NBPF14: variants seen among roughly 807,000 people sequenced by gnomAD.
NBPF14 encodes the protein NBPF member 14.
In NBPF14, 104 loss-of-function variants were observed where a neutral mutation model predicts 91.2. The observed-to-expected ratio is 1.14, with a 90% CI of 0.97 to 1.34. The LOEUF (loss-of-function observed/expected upper bound fraction) is 1.34, where lower values mean the gene tolerates loss of function less well. Ranked by LOEUF, NBPF14 falls within the 40% of genes most tolerant of loss-of-function variation. NBPF14 has a pLI of 0.00. For synonymous variants in NBPF14, 294 were observed against 303.8 expected, an observed-to-expected ratio of 0.97 and a Z score of 0.34; for missense variants, 908 against 783.0, an observed-to-expected ratio of 1.16 and a Z score of -1.91.
chr1:148,561,724 T>C (rs1247399171), intron 34 of NBPF14, 145 bp from the exon 35 acceptor site: 3 of 455,786 alleles, frequency 6.6e-6, no homozygotes, highest in Admixed American at 3.7e-5. Flanking sequence ...ATTGCCTTCA[T>C]GTTGGGACAG....
intron 6 of NBPF14, among the ~76,000 whole-genome samples, chr1:148,590,036 CTTACTTTTTTTTTTTTTTTT>C (rs1466716124): frequency 2.6e-4 from 29 of 110,006 alleles, no homozygotes; most frequent in Non-Finnish European, 4.6e-4. Flanking sequence ...TGGTCAGAGA[CTTACTTTTTTTTTTTTTTTT>C]TTTTTTTTTT....
intron 6 of NBPF14, among the ~76,000 whole-genome samples, chr1:148,590,040 CTTTTTTTTT>C (rs1196401979): frequency 1.2e-4 from 9 of 76,334 alleles, no homozygotes; most frequent in Admixed American, 3.8e-4. Context: ...CAGAGACTTA[CTTTTTTTTT>C]TTTTTTTTTT....
rs1654711287 is a variant in NBPF14 at position 148,534,682 on chromosome 1, A to G, written c.8614+2T>C. On this transcript the variant is annotated splice_donor_variant, in intron 69 of 70. Coordinates refer to ENST00000619423, the Ensembl canonical transcript of NBPF14. LOFTEE classifies it high-confidence loss of function. ...TTATCACCTTCATAGTAAGGTACTCACTGTCCACGTCAAGAGCCAAGCCAA... is the reference window on the plus strand; with the variant it reads ...TTATCACCTTCATAGTAAGGTACTCGCTGTCCACGTCAAGAGCCAAGCCAA... The G allele has an allele frequency of 2.5e-6, 2 of 801,204 alleles. No individual in the cohort carries two copies. The highest frequency in any genetic ancestry group is 4.5e-6 in the Non-Finnish European group (2 of 447,196). 49.6% of individuals were successfully genotyped at this position (801,204 alleles called of 1,614,324 possible).
At chr1:148,561,518 A>T in exon 35 of NBPF14, 1 of 354,396 alleles carries the variant, frequency 2.8e-6, no homozygotes, top group Non-Finnish European at 4.6e-6. Flanking sequence ...GTTGAATAAC[A>T]TCTATCCAGT....
intron 9 of NBPF14, among the ~76,000 whole-genome samples, chr1:148,585,442 C>T (rs1292031789): frequency 1.3e-5 from 2 of 151,758 alleles, no homozygotes. Context: ...ATTGAAAAGA[C>T]CTTTTGCTTC....
At chr1:148,561,802 A>ACAC (rs1657808782) in intron 34 of NBPF14, among the ~76,000 whole-genome samples, 5 of 95,608 alleles carry the variant, frequency 5.2e-5, no homozygotes, top group African/African-American at 2.5e-4. Context: ...CACACACACA[A>ACAC]ACACACACAC....
At chr1:148,574,430 C>CAA (rs1659452500) in intron 18 of NBPF14, among the ~76,000 whole-genome samples, 2 of 47,928 alleles carry the variant, frequency 4.2e-5, no homozygotes, top group Middle Eastern at 7.7e-3. Flanking sequence ...TAGACACACA[C>CAA]ACACACACAC....
At chr1:148,587,856 T>A (rs1256924962) in intron 7 of NBPF14, among the ~76,000 whole-genome samples, 1 of 141,096 alleles carries the variant, frequency 7.1e-6, no homozygotes, top group African/African-American at 2.5e-5. Flanking sequence ...GAAAGATTTT[T>A]AAAATCTTTG....
chr1:148,577,543 GACACACACAC>G (rs1184575767), intron 14 of NBPF14, among the ~76,000 whole-genome samples, 188 bp from the exon 15 acceptor site: 16 of 141,244 alleles, frequency 1.1e-4, no homozygotes, highest in East Asian at 1.0e-3. Context: ...GAACGAGAAA[GACACACACAC>G]ACACACACAC....
At position 148,534,857 on chromosome 1, in the gene NBPF14, CT is replaced by C. The variant is rs1380304873; in HGVS notation, c.8442-2del. 2 of 955,492 alleles carry C rather than the reference CT, an allele frequency of 2.1e-6. No individual in the cohort carries two copies. Among genetic ancestry groups the C allele is most frequent in the African/African-American group, 3.8e-5 (2 of 52,610 alleles). 59.2% of individuals were successfully genotyped at this position (955,492 alleles called of 1,614,324 possible). On this transcript the variant is annotated splice_acceptor_variant, in intron 68 of 70. Transcript: ENST00000619423. LOFTEE classifies it high-confidence loss of function. ...CTCATCCAGCAGCTCCCTGCTGAGC[CT>C]GGAAAAGTAGGAAAAAGTAAAGAAT...
chr1:148,580,687 G>A (rs1174491768), intron 12 of NBPF14, among the ~76,000 whole-genome samples: 59 of 43,304 alleles, frequency 1.4e-3, no homozygotes, highest in African/African-American at 5.7e-3. Flanking sequence ...AATGCTAAGG[G>A]CAGCCAGAGA....
At chr1:148,572,487 T>C in exon 21 of NBPF14, 1 of 567,242 alleles carries the variant, frequency 1.8e-6, no homozygotes, top group South Asian at 1.7e-5. Context: ...CTCCAATGAG[T>C]AAACAGCACT....
chr1:148,587,218 G>C (rs1354141255), intron 8 of NBPF14, 83 bp downstream of exon 8: 1 of 1,223,084 alleles, frequency 8.2e-7, no homozygotes, highest in African/African-American at 1.5e-5. Flanking sequence ...GCCCAGCTGA[G>C]CTCTTACGTC....
intron 68 of NBPF14, 141 bp from the exon 69 acceptor site, chr1:148,534,997 T>C (rs1259914449): frequency 1.4e-6 from 1 of 712,598 alleles, no homozygotes; most frequent in East Asian, 2.7e-5. Flanking sequence ...ATTATTGCCT[T>C]TATGTTGGGA....
chr1:148,584,276 T>C (rs1460458117), intron 11 of NBPF14, among the ~76,000 whole-genome samples, 195 bp downstream of exon 11: 664 of 149,838 alleles, frequency 4.4e-3, no homozygotes, highest in African/African-American at 0.016. Flanking sequence ...TGCCTGGGGT[T>C]GAGTAACTTG....
chr1:148,559,710 C>G, intron 37 of NBPF14, 83 bp downstream of exon 37: 1 of 750,254 alleles, frequency 1.3e-6, no homozygotes, highest in Non-Finnish European at 2.2e-6. Context: ...TCTCTCAGCT[C>G]AGTAAGGGCC....
chr1:148,583,855 C>G (rs1661118222), intron 11 of NBPF14, among the ~76,000 whole-genome samples: 1 of 75,704 alleles, frequency 1.3e-5, no homozygotes, highest in African/African-American at 1.5e-4. Flanking sequence ...GGTGACAGAG[C>G]AAGACTCCAT....
chr1:148,533,956 C>T lies in NBPF14; in HGVS notation c.8628G>A (p.Lys2876=), dbSNP rs1359259747. Residue 2876 remains lysine (K), a synonymous_variant, in exon 70 of 71, where the codon AAG becomes AAA. Coordinates refer to ENST00000619423, the Ensembl canonical transcript of NBPF14. ...TTCCCCTTCTTTTTTTCCCCTTCCCCTTCTTTTCAATTTCTGCAATAAATT... is the reference window on the plus strand; with the variant it reads ...TTCCCCTTCTTTTTTTCCCCTTCCCTTTCTTTTCAATTTCTGCAATAAATT... 1.0e-4 allele frequency: 74 copies of T among 719,218 alleles called. No homozygotes were observed. The African/African-American group carries it at 1.1e-3, about 11-fold the overall frequency. 44.6% of individuals were successfully genotyped at this position (719,218 alleles called of 1,614,324 possible).
At chr1:148,590,039 ACTT>A (rs1478185080) in intron 6 of NBPF14, among the ~76,000 whole-genome samples, 6 of 90,104 alleles carry the variant, frequency 6.7e-5, no homozygotes, top group Non-Finnish European at 9.1e-5. Context: ...TCAGAGACTT[ACTT>A]TTTTTTTTTT....
Sources: allele counts gnomAD v4.1 joint callset (sites outside exome capture counted in the v4.1 genomes callset), GRCh38; gene constraint gnomAD v4.1.1; transcripts MANE v1.5; gene names NCBI Gene and HGNC (gene_info 2026-07-23, HGNC 2026-07-21).